The following CAMKK1 variants were observed in gnomAD, a reference collection of about 807,000 sequenced individuals.
CAMKK1 encodes calcium/calmodulin dependent protein kinase kinase 1.
A neutral mutation model predicts 63.5 loss-of-function variants in CAMKK1; 20 were observed. The ratio of observed to expected loss-of-function variants is 0.32; its 90% CI spans 0.22 to 0.46. The LOEUF is 0.46. Among genes scored for constraint, CAMKK1 ranks in the 20% least tolerant of loss-of-function variants. The probability of loss-of-function intolerance (pLI) is 1.00; values close to 1 mark genes in which losing one functional copy is unlikely to be tolerated. For synonymous variants in CAMKK1, 253 were observed against 269.0 expected (o/e 0.94, Z 0.58); for missense variants, 588 against 658.1 (o/e 0.89, Z 1.17).
chr17:3,875,782 T>C (rs889463478), intron 10 of CAMKK1, among the ~76,000 whole-genome samples: 2 of 152,150 alleles, frequency 1.3e-5, no homozygotes, highest in South Asian at 2.1e-4. Context: ...AGGCCCTTTA[T>C]ACCCTCTGCC....
rs2055519775 is a variant in CAMKK1 at position 3,883,771 on chromosome 17, G to C, written c.462+113C>G. On this transcript the variant is annotated intron_variant, in intron 4 of 15. Transcript: ENST00000348335. This position sits in a 1 kb window ranked among gnomAD's most constrained non-coding sequence, Gnocchi z 4.7. Reference sequence around the variant, plus strand: ...TCCTTTGCATACCCCTAGGGACAGGGAGCTCACTCTCAGGCAGCCCTGTCC... The same window carrying C: ...TCCTTTGCATACCCCTAGGGACAGGCAGCTCACTCTCAGGCAGCCCTGTCC... 9.9e-7 allele frequency: 1 copy of C among 1,012,412 alleles called. No homozygotes were observed. Among genetic ancestry groups the C allele is most frequent in the African/African-American group, 1.6e-5 (1 of 63,430 alleles). The allele number at this position is 1,012,412 out of a possible 1,614,324, so 62.7% of individuals were successfully genotyped here. A position where few individuals can be genotyped will look rare whatever the true frequency, so the allele number is the denominator to read the frequency against.
In CAMKK1 at chr17:3,884,282, G is replaced by T. The variant is rs2055546125; in HGVS notation, c.408+98C>A. The T allele has an allele frequency of 7.4e-7, 1 of 1,347,366 alleles. No homozygotes were observed. The highest frequency in any genetic ancestry group is 1.1e-6 in the Non-Finnish European group (1 of 943,938). The allele number at this position is 1,347,366 out of a possible 1,614,324, so 83.5% of individuals were successfully genotyped here. ...TGTCCTCACCTCCAGGCTAGGACTT[G>T]CCTGGCTCTGCCTCCCGTTCCCTCC... On this transcript the variant is annotated intron_variant, in intron 3 of 15. Coordinates refer to ENST00000348335, the MANE Select transcript of CAMKK1 (RefSeq NM_032294.3). This position sits in a 1 kb window ranked among gnomAD's most constrained non-coding sequence, Gnocchi z 4.5.
At chr17:3,872,699 C>T in intron 11 of CAMKK1, 72 bp from the exon 12 acceptor site, 1 of 1,340,036 alleles carries the variant, frequency 7.5e-7, no homozygotes, top group East Asian at 2.3e-5. Context: ...CAACCCCCCT[C>T]CCTTGGTGGG....
Position 3,884,433 on chromosome 17 carries a change from G to A in CAMKK1, c.361-6C>T. The A allele has an allele frequency of 6.2e-7, 1 of 1,613,000 alleles. No homozygotes were observed. The highest frequency in any genetic ancestry group is 8.5e-7 in the Non-Finnish European group (1 of 1,179,458). On this transcript the variant is annotated splice_polypyrimidine_tract_variant and splice_region_variant and intron_variant, in intron 2 of 15. Transcript: ENST00000348335. The surrounding 1 kb of genome is among the most constrained non-coding windows in gnomAD (Gnocchi z 4.5). ...TGGTTCAGCTGCACGCAGTCCTGTG[G>A]GGGAAGAGCGAGCACCAGGTGGAGC...
At chr17:3,867,644 C>T (rs2054585341) in intron 14 of CAMKK1, among the ~76,000 whole-genome samples, 1 of 152,104 alleles carries the variant, frequency 6.6e-6, no homozygotes, top group African/African-American at 2.4e-5. Context: ...GTTCCAGCGA[C>T]CCCACAGAGT....
chr17:3,867,749 C>T (rs1044856429), intron 14 of CAMKK1, among the ~76,000 whole-genome samples: 17 of 152,152 alleles, frequency 1.1e-4, no homozygotes, highest in Admixed American at 5.9e-4. Context: ...GCCCCGCCAA[C>T]GGCAGTGGCC....
In CAMKK1 at chr17:3,889,219, G is replaced by A. The variant is rs914504852; in HGVS notation, c.-43-3489C>T. On this transcript the variant is annotated intron_variant, in intron 1 of 15. Coordinates refer to ENST00000348335, the MANE Select transcript of CAMKK1 (RefSeq NM_032294.3). This position sits in a 1 kb window ranked among gnomAD's most constrained non-coding sequence, Gnocchi z 5.2. Reference sequence around the variant, plus strand: ...GCCCATCTGGAGGCTCACACAGGGGGTGTCTCAAGGCCCTTCCCAAGCTCA... The same window carrying A: ...GCCCATCTGGAGGCTCACACAGGGGATGTCTCAAGGCCCTTCCCAAGCTCA... Among the ~76,000 whole-genome samples, 2 of 152,102 alleles carry A rather than the reference G, an allele frequency of 1.3e-5. No individual in the cohort carries two copies. The highest frequency in any genetic ancestry group is 3.9e-4 in the East Asian group (2 of 5,178).
rs1449440948 is a variant in CAMKK1 at position 3,872,590 on chromosome 17, C to G, written c.1088G>C (p.Arg363Thr). 6.2e-7 allele frequency: 1 copy of G among 1,614,042 alleles called. No homozygotes were observed. The highest frequency in any genetic ancestry group is 8.5e-7 in the Non-Finnish European group (1 of 1,179,898). ...CACCACGGGCTCATTCTTGATCTTC[C>G]TGTGGAGGGCCAGGATGAAATCGTC... ...FIDDFILALH[R>T]KIKNEPVVFP... Residue 363 changes from arginine (R) to threonine (T), a missense_variant, in exon 12 of 16, where the codon AGG becomes ACG. Arg to Thr is a moderately conservative substitution (Grantham distance 71). Around this residue, in one of 3 missense-constraint regions of CAMKK1, gnomAD observed 226 missense variants for 229.2 expected, o/e 0.99. Coordinates refer to ENST00000348335, the MANE Select transcript of CAMKK1 (RefSeq NM_032294.3).
At position 3,883,510 on chromosome 17, in the gene CAMKK1, C is replaced by G. The variant is rs737361; in HGVS notation, c.463-30G>C. 0.11 allele frequency: 168,644 copies of G among 1,578,178 alleles called. 13,329 individuals are homozygous for G. Among genetic ancestry groups the G allele is most frequent in the African/African-American group, 0.41 (30,672 of 74,336 alleles). On this transcript the variant is annotated intron_variant, in intron 4 of 15. Coordinates refer to ENST00000348335, the MANE Select transcript of CAMKK1 (RefSeq NM_032294.3). This position sits in a 1 kb window ranked among gnomAD's most constrained non-coding sequence, Gnocchi z 4.7. ...GGAAGGAGGGACAGAAATGTCACTA[C>G]TGTGCAGCCACCAGGGGCTAGAACA... is the stretch of plus-strand genomic sequence containing the variant.
rs769816989 is a variant in CAMKK1 at position 3,885,405 on chromosome 17, G to A, written c.283C>T (p.Pro95Ser). The change falls in exon 2 of 16, where the codon CCT (proline) becomes TCT (serine). Residue 95 changes from proline (P) to serine (S), a missense_variant. By Grantham distance (74) the Pro-to-Ser change is moderately conservative (BLOSUM62 -1). Around this residue, in one of 3 missense-constraint regions of CAMKK1, gnomAD observed 357 missense variants for 407.4 expected, o/e 0.88. Transcript: ENST00000348335. ...GCCCGGGGGGAGATGTGGCTGGCAG[G>A]CCCCGTGGCATAAGGCCCAGCCTGC... ...EAQAGPYATG[P>S]ASHISPRAWR... The A allele has an allele frequency of 1.2e-6, 2 of 1,611,762 alleles. No homozygotes were observed. Among genetic ancestry groups the A allele is most frequent in the Non-Finnish European group, 1.7e-6 (2 of 1,179,550 alleles).
At chr17:3,873,639 C>A (rs955464782) in intron 10 of CAMKK1, among the ~76,000 whole-genome samples, 177 bp from the exon 11 acceptor site, 6 of 152,168 alleles carry the variant, frequency 3.9e-5, no homozygotes, top group African/African-American at 1.4e-4. Context: ...GCTGAGGACA[C>A]AGGGGCGGCC....
chr17:3,868,952 ATTTC>A (rs2054704306), intron 14 of CAMKK1, among the ~76,000 whole-genome samples: 3 of 104,970 alleles, frequency 2.9e-5, no homozygotes, highest in Admixed American at 1.0e-4. Flanking sequence ...CGCGCCCGGT[ATTTC>A]TTTCTTTTCT....
chr17:3,870,886 G>C (rs1597453386), intron 12 of CAMKK1, among the ~76,000 whole-genome samples: 1 of 152,184 alleles, frequency 6.6e-6, no homozygotes, highest in East Asian at 1.9e-4. Flanking sequence ...GGGAGGGAAG[G>C]CAACCACAGG....
chr17:3,871,413 A>G lies in CAMKK1; in HGVS notation c.1124+1141T>C, dbSNP rs188373368. 1.8e-3 allele frequency among the ~76,000 whole-genome samples: 227 copies of G among 124,626 alleles called. 4 individuals are homozygous for G. The East Asian group carries it at 0.043, about 24-fold the overall frequency. The allele number at this position is 124,626 out of a possible 152,430, so 81.8% of individuals were successfully genotyped here. On this transcript the variant is annotated intron_variant, in intron 12 of 15. Coordinates refer to ENST00000348335, the MANE Select transcript of CAMKK1 (RefSeq NM_032294.3). ...TCTGTCGCCCAGGCTGGAGTGCAGT[A>G]GCACGGTCTCAGCTCACTGAAACCT...
chr17:3,866,061 A>G (rs2054508794), intron 14 of CAMKK1, 50 bp from the exon 15 acceptor site: 2 of 1,598,896 alleles, frequency 1.3e-6, no homozygotes, highest in Admixed American at 3.4e-5. Flanking sequence ...GCTCCCAGAC[A>G]CGCAGCCTCT....
chr17:3,871,892 C>CG (rs920475858), intron 12 of CAMKK1, among the ~76,000 whole-genome samples: 1 of 152,068 alleles, frequency 6.6e-6, no homozygotes, highest in African/African-American at 2.4e-5. Context: ...GTGATCTGCC[C>CG]ACCTCAGCCT....
In CAMKK1 at chr17:3,885,388, G is replaced by A; in HGVS notation, c.300C>T (p.Ser100=). 1 of 1,611,472 alleles carries A rather than the reference G, an allele frequency of 6.2e-7. No individual in the cohort carries two copies. The highest frequency in any genetic ancestry group is 8.5e-7 in the Non-Finnish European group (1 of 1,178,984). The change falls in exon 2 of 16, where the codon TCC becomes TCT. Residue 100 remains serine, a synonymous_variant. Coordinates refer to ENST00000348335, the MANE Select transcript of CAMKK1 (RefSeq NM_032294.3). Reference sequence around the variant, plus strand: ...TGGTGGGCCTCCGCCAGGCCCGGGGGGAGATGTGGCTGGCAGGCCCCGTGG... The same window carrying A: ...TGGTGGGCCTCCGCCAGGCCCGGGGAGAGATGTGGCTGGCAGGCCCCGTGG... ...PYATGPASHI[S]PRAWRRPTIE...
chr17:3,869,820 A>G lies in CAMKK1; in HGVS notation c.1193T>C (p.Ile398Thr), dbSNP rs779704949. The G allele has an allele frequency of 3.0e-5, 48 of 1,613,996 alleles. No homozygotes were observed. Among genetic ancestry groups the G allele is most frequent in the Middle Eastern group, 1.6e-4 (1 of 6,084 alleles). Residue 398 changes from isoleucine (I) to threonine (T), a missense_variant, in exon 13 of 16, where the codon ATT becomes ACT. By Grantham distance (89) the Ile-to-Thr change is moderately conservative. Transcript: ENST00000348335. ...CCCGACCTTGATGTCTGGCACCCCAATTCTCGTCTCGGGATTCTTGTCTAA... is the reference window on the plus strand; with the variant it reads ...CCCGACCTTGATGTCTGGCACCCCAGTTCTCGTCTCGGGATTCTTGTCTAA... Reference protein sequence around the residue: ...KMLDKNPETRIGVPDIKLHPW... With the variant: ...KMLDKNPETRTGVPDIKLHPW...
chr17:3,878,324 G>A (rs1255940483), intron 9 of CAMKK1, among the ~76,000 whole-genome samples: 10 of 152,162 alleles, frequency 6.6e-5, no homozygotes, highest in African/African-American at 1.2e-4. Context: ...GGCGCTAACC[G>A]TTCTGCCCCA....
Sources: allele counts gnomAD v4.1 joint callset (sites outside exome capture counted in the v4.1 genomes callset), GRCh38; gene constraint gnomAD v4.1.1; regional missense constraint gnomAD v4.1.1; non-coding constraint Gnocchi (gnomAD v3.1); transcripts MANE v1.5; gene names NCBI Gene and HGNC (gene_info 2026-07-23, HGNC 2026-07-21).